CYP7B1: variants seen among roughly 807,000 people sequenced by gnomAD.
CYP7B1 encodes cytochrome P450 7B1.
In CYP7B1, 29 loss-of-function variants were observed where a neutral mutation model predicts 42.7. That is an observed-to-expected ratio of 0.68 (90% confidence interval 0.51 to 0.93). The LOEUF (loss-of-function observed/expected upper bound fraction) is 0.93. Among genes scored for constraint, CYP7B1 ranks in the 40% least tolerant of loss-of-function variants. The pLI is 0.00. For synonymous variants in CYP7B1, 235 were observed against 218.2 expected (o/e 1.08, Z -0.68); for missense variants, 655 against 600.5 (o/e 1.09, Z -0.95).
At chr8:64,610,947 CAAAT>C (rs1178376121) in intron 4 of CYP7B1, among the ~76,000 whole-genome samples, 2 of 152,078 alleles carry the variant, frequency 1.3e-5, no homozygotes, top group East Asian at 1.9e-4. Flanking sequence ...TAATACTTGA[CAAAT>C]AACCTAATAT....
intron 1 of CYP7B1, among the ~76,000 whole-genome samples, chr8:64,634,993 T>G (rs1028408855): frequency 2.0e-5 from 3 of 152,194 alleles, no homozygotes; most frequent in African/African-American, 7.2e-5. Context: ...GTGCAGCTGT[T>G]GGACTTGACA....
At chr8:64,759,570 TA>T (rs1240167194) in intron 1 of CYP7B1, among the ~76,000 whole-genome samples, 1 of 152,148 alleles carries the variant, frequency 6.6e-6, no homozygotes, top group Non-Finnish European at 1.5e-5. Context: ...CCCGATAAAT[TA>T]TTTTTTTTAA....
intron 1 of CYP7B1, among the ~76,000 whole-genome samples, chr8:64,724,340 T>C (rs1807289982): frequency 6.6e-6 from 1 of 151,928 alleles, no homozygotes; most frequent in Non-Finnish European, 1.5e-5. Context: ...ACAGACGGGG[T>C]TTCACCATGT....
intron 2 of CYP7B1, among the ~76,000 whole-genome samples, chr8:64,621,891 A>C (rs1805536048): frequency 6.6e-6 from 1 of 151,414 alleles, no homozygotes; most frequent in Non-Finnish European, 1.5e-5. Flanking sequence ...ACATGCCACC[A>C]TGCCCAGCTA....
At position 64,624,526 on chromosome 8, in the gene CYP7B1, G is replaced by T; in HGVS notation, c.136C>A (p.Pro46Thr). Residue 46 changes from proline (P) to threonine (T), a missense_variant, in exon 2 of 6, where the codon CCT becomes ACT. Physicochemically the swap from Pro to Thr is conservative, Grantham distance 38. Transcript: ENST00000310193. ...GGAAGCCAACCTTTTATCAATGGAG[G>T]CTCACCGGGTCTCCTACAAGGAAAA... ...LVRRTRRPGE[P>T]PLIKGWLPYL... is the part of the protein sequence containing the mutation. The T allele has an allele frequency of 6.2e-7, 1 of 1,613,182 alleles. No homozygotes were observed. Among genetic ancestry groups the T allele is most frequent in the Non-Finnish European group, 8.5e-7 (1 of 1,179,828 alleles).
chr8:64,624,553 A>T lies in CYP7B1; in HGVS notation c.123-14T>A. On this transcript the variant is annotated splice_polypyrimidine_tract_variant and intron_variant, in intron 1 of 5. Coordinates refer to ENST00000310193, the MANE Select transcript of CYP7B1 (RefSeq NM_004820.5). ...TCACCGGGTCTCCTACAAGGAAAAA[A>T]AAAAAGATAAAAGAACAAAAGAAAA... 6.2e-7 allele frequency: 1 copy of T among 1,611,368 alleles called. No individual in the cohort carries two copies. The highest frequency in any genetic ancestry group is 2.2e-5 in the East Asian group (1 of 44,826).
At chr8:64,702,434 T>A (rs1023794209) in intron 1 of CYP7B1, among the ~76,000 whole-genome samples, 2 of 152,102 alleles carry the variant, frequency 1.3e-5, no homozygotes, top group African/African-American at 4.8e-5. Context: ...CCTACTGGGA[T>A]CAGCTGACTA....
chr8:64,797,056 T>C (rs1804715609), intron 1 of CYP7B1, among the ~76,000 whole-genome samples: 1 of 152,196 alleles, frequency 6.6e-6, no homozygotes, highest in African/African-American at 2.4e-5. Flanking sequence ...GTCTTCCTGG[T>C]ATGAAGGAAT....
intron 1 of CYP7B1, among the ~76,000 whole-genome samples, chr8:64,703,357 C>T (rs547689719): frequency 6.6e-6 from 1 of 151,952 alleles, no homozygotes; most frequent in Non-Finnish European, 1.5e-5. Flanking sequence ...CACAGCATAA[C>T]CCCTTACACC....
intron 1 of CYP7B1, among the ~76,000 whole-genome samples, chr8:64,640,845 C>T (rs371339866): frequency 3.2e-4 from 48 of 152,244 alleles, no homozygotes; most frequent in African/African-American, 1.1e-3. Flanking sequence ...TCAGGTTTTT[C>T]TCTTTTCTGA....
At chr8:64,606,355 C>A (rs936081963) in intron 4 of CYP7B1, among the ~76,000 whole-genome samples, 1 of 152,258 alleles carries the variant, frequency 6.6e-6, no homozygotes, top group African/African-American at 2.4e-5. Context: ...CTCGGCCTCC[C>A]ATGTACTGCT....
intron 1 of CYP7B1, among the ~76,000 whole-genome samples, chr8:64,767,644 T>C (rs1243773229): frequency 6.6e-6 from 1 of 152,252 alleles, no homozygotes; most frequent in African/African-American, 2.4e-5. Context: ...CATTATGTAC[T>C]GGACAAGGCC....
chr8:64,646,242 T>C (rs888236399), intron 1 of CYP7B1, among the ~76,000 whole-genome samples: 55 of 151,860 alleles, frequency 3.6e-4, no homozygotes, highest in Admixed American at 2.0e-3. Flanking sequence ...CAAAAGAAAC[T>C]ACCATCAGAG....
intron 1 of CYP7B1, among the ~76,000 whole-genome samples, chr8:64,670,723 C>T (rs752298220): frequency 4.6e-5 from 7 of 152,304 alleles, no homozygotes; most frequent in Non-Finnish European, 7.4e-5. Flanking sequence ...GAGAGGGCAA[C>T]GAGAAAGCCG....
chr8:64,729,843 T>C (rs986077914), intron 1 of CYP7B1, among the ~76,000 whole-genome samples: 9 of 152,346 alleles, frequency 5.9e-5, no homozygotes, highest in Middle Eastern at 3.4e-3. Flanking sequence ...CTTGTCAGTG[T>C]CACTTCCTCT....
intron 2 of CYP7B1, among the ~76,000 whole-genome samples, chr8:64,617,110 G>T (rs1202874957): frequency 6.6e-6 from 1 of 152,162 alleles, no homozygotes; most frequent in East Asian, 1.9e-4. Context: ...GCTTCAGTCA[G>T]CCTGGAGTTA....
At chr8:64,637,963 CT>C (rs1805798086) in intron 1 of CYP7B1, among the ~76,000 whole-genome samples, 1 of 152,142 alleles carries the variant, frequency 6.6e-6, no homozygotes, top group Admixed American at 6.6e-5. Flanking sequence ...ATTTTCCTGA[CT>C]TTATCCCTTT....
chr8:64,672,906 T>A (rs763350527), intron 1 of CYP7B1, among the ~76,000 whole-genome samples: 1 of 152,020 alleles, frequency 6.6e-6, no homozygotes, highest in African/African-American at 2.4e-5. Flanking sequence ...GGATTGCAGG[T>A]TTTCAAGTGG....
At chr8:64,731,177 G>A (rs930445561) in intron 1 of CYP7B1, among the ~76,000 whole-genome samples, 2 of 152,202 alleles carry the variant, frequency 1.3e-5, no homozygotes, top group East Asian at 1.9e-4. Context: ...GGTACCAGGA[G>A]TGGGGTGATG....
Sources: gnomAD v4.1 joint callset for allele counts (sites outside exome capture counted in the v4.1 genomes callset) on GRCh38, gnomAD v4.1.1 for gene constraint, MANE v1.5 for transcripts, NCBI Gene and HGNC (gene_info 2026-07-23, HGNC 2026-07-21) for gene names.